MYO18A: variants seen among roughly 807,000 people sequenced by gnomAD.
MYO18A encodes myosin XVIIIA, also known as unconventional myosin-XVIIIa.
MYO18A carries 78 observed loss-of-function variants against 235.8 expected under a neutral mutation model. The observed-to-expected ratio is 0.33, with a 90% confidence interval of 0.28 to 0.40. MYO18A has a LOEUF of 0.40. Ranked by LOEUF, MYO18A falls within the 10% of genes least tolerant of loss-of-function variation. MYO18A has a pLI of 1.00. For missense variants in MYO18A, 2,215 were observed against 2,699.3 expected (o/e 0.82, Z 3.98); for synonymous variants, 977 against 1,077.8 (o/e 0.91, Z 1.83).
chr17:29,090,938 CAA>C lies in MYO18A; in HGVS notation c.5188-14_5188-13del, dbSNP rs778827547. The C allele has an allele frequency of 6.2e-6, 10 of 1,610,668 alleles. No homozygotes were observed. Among genetic ancestry groups the C allele is most frequent in the African/African-American group, 1.3e-5 (1 of 75,024 alleles). On this transcript the variant is annotated splice_polypyrimidine_tract_variant and intron_variant, in intron 34 of 41. Coordinates refer to ENST00000527372, the MANE Select transcript of MYO18A (RefSeq NM_078471.4). ...AGCTGCTCCTCCAGCTGGAGAGAGG[CAA>C]AGACAGATCAGAGGGCCTCAGGCCC...
In MYO18A at chr17:29,074,595, G is replaced by A. The variant is rs550373792; in HGVS notation, c.*175C>T. ...CTCCTCTTTCCCCCACCTCTTCCACGTGGAGACATCAGACACCCATAGCCT... is the reference window on the plus strand; with the variant it reads ...CTCCTCTTTCCCCCACCTCTTCCACATGGAGACATCAGACACCCATAGCCT... On this transcript the variant is annotated 3_prime_UTR_variant, in exon 42 of 42. Coordinates refer to ENST00000527372, the MANE Select transcript of MYO18A (RefSeq NM_078471.4). This position sits in a 1 kb window ranked among gnomAD's most constrained non-coding sequence, Gnocchi z 4.4. 6 of 665,606 alleles carry A rather than the reference G, an allele frequency of 9.0e-6. No individual in the cohort carries two copies. Among genetic ancestry groups the A allele is most frequent in the South Asian group, 2.1e-5 (1 of 48,632 alleles). The allele number at this position is 665,606 out of a possible 1,614,324, so 41.2% of individuals were successfully genotyped here. A position where few individuals can be genotyped will look rare whatever the true frequency, so the allele number is the denominator to read the frequency against.
chr17:29,143,433 G>A (rs1322273440), intron 2 of MYO18A, among the ~76,000 whole-genome samples: 9 of 147,540 alleles, frequency 6.1e-5, no homozygotes, highest in Non-Finnish European at 4.5e-5. Context: ...GCACAGATGG[G>A]GCTTCCCTAT....
Position 29,115,852 on chromosome 17 carries a change from A to T in MYO18A, c.2051-12T>A. On this transcript the variant is annotated splice_polypyrimidine_tract_variant and intron_variant, in intron 11 of 41. Coordinates refer to ENST00000527372, the MANE Select transcript of MYO18A (RefSeq NM_078471.4). ...CTGCTTGCGCCCAGCTGTGGAGTGG[A>T]AAAAGGGATCTGGCATCCTGGGTCT... The T allele has an allele frequency of 6.4e-7, 1 of 1,567,814 alleles. No homozygotes were observed.
At position 29,151,700 on chromosome 17, in the gene MYO18A, G is replaced by A. The variant is rs142270363; in HGVS notation, c.999+14242C>T. Reference sequence around the variant, plus strand: ...CTTGTTTCTGCATTCTCTGGGCCAAGCACGAGTAAGACATCTGGAATGCAG... The same window carrying A: ...CTTGTTTCTGCATTCTCTGGGCCAAACACGAGTAAGACATCTGGAATGCAG... On this transcript the variant is annotated intron_variant, in intron 2 of 41. Transcript: ENST00000527372. 1.0e-3 allele frequency among the ~76,000 whole-genome samples: 157 copies of A among 152,326 alleles called. 1 individual carries two copies. In the East Asian group the frequency reaches 0.024, roughly 23 times the overall value.
chr17:29,177,580 AT>A (rs1370295440), intron 1 of MYO18A, among the ~76,000 whole-genome samples: 4 of 152,090 alleles, frequency 2.6e-5, no homozygotes, highest in Non-Finnish European at 5.9e-5. Context: ...AGAAATGGTG[AT>A]GGGGTGGGGT....
At chr17:29,133,991 A>C (rs955567143) in intron 2 of MYO18A, 4 of 517,724 alleles carry the variant, frequency 7.7e-6, no homozygotes, top group African/African-American at 6.1e-5. Flanking sequence ...AAGGATTACA[A>C]AACTCAAGAG....
rs1207598089 is a variant in MYO18A at position 29,120,647 on chromosome 17, T to G, written c.1697A>C (p.Gln566Pro). The change falls in exon 7 of 42, where the codon CAA (glutamine) becomes CCA (proline). Residue 566 changes from glutamine (Q) to proline (P), a missense_variant. Transcript: ENST00000527372. This position sits in a 1 kb window ranked among gnomAD's most constrained non-coding sequence, Gnocchi z 4.2. ...FSQILSLDFDQAGQVASASIQ... is the reference protein window; with the variant it reads ...FSQILSLDFDPAGQVASASIQ... ...GGAGGCTGAGGCCACCTGGCCAGCTTGGTCAAAGTCCAGGGAGAGGATCTG... is the reference window on the plus strand; with the variant it reads ...GGAGGCTGAGGCCACCTGGCCAGCTGGGTCAAAGTCCAGGGAGAGGATCTG... The G allele has an allele frequency of 3.1e-6, 5 of 1,613,974 alleles. No homozygotes were observed. Among genetic ancestry groups the G allele is most frequent in the Non-Finnish European group, 4.2e-6 (5 of 1,179,864 alleles).
At position 29,111,915 on chromosome 17, in the gene MYO18A, G is replaced by A; in HGVS notation, c.2599-52C>T. The A allele has an allele frequency of 1.3e-6, 2 of 1,573,630 alleles. No individual in the cohort carries two copies. Among genetic ancestry groups the A allele is most frequent in the Non-Finnish European group, 1.7e-6 (2 of 1,160,000 alleles). ...TTGTCATATGGAGCTGTGGGAAAGGGGCCAGGGTGGTGCCGGGCCCAAACA... is the reference window on the plus strand; with the variant it reads ...TTGTCATATGGAGCTGTGGGAAAGGAGCCAGGGTGGTGCCGGGCCCAAACA... On this transcript the variant is annotated intron_variant, in intron 15 of 41. Coordinates refer to ENST00000527372, the MANE Select transcript of MYO18A (RefSeq NM_078471.4). This position sits in a 1 kb window ranked among gnomAD's most constrained non-coding sequence, Gnocchi z 5.1.
chr17:29,130,423 T>C (rs2067438193), intron 2 of MYO18A, among the ~76,000 whole-genome samples: 3 of 151,422 alleles, frequency 2.0e-5, no homozygotes, highest in Admixed American at 2.0e-4. Flanking sequence ...ACATGTAGTT[T>C]TTGCAAAAAA....
Position 29,140,903 on chromosome 17 carries a change from G to A in MYO18A, c.1000-18650C>T, listed in dbSNP as rs971243244. ...CCTACCCTAGCCATCTAATTACTGC[G>A]GCAGAGGCCAAGACAGCCACTAACG... is the stretch of plus-strand genomic sequence containing the variant. On this transcript the variant is annotated intron_variant, in intron 2 of 41. Transcript: ENST00000527372. This position sits in a 1 kb window ranked among gnomAD's most constrained non-coding sequence, Gnocchi z 4.2. Among the ~76,000 whole-genome samples the A allele has an allele frequency of 1.3e-5, 2 of 152,284 alleles. No individual in the cohort carries two copies. The highest frequency in any genetic ancestry group is 2.4e-5 in the African/African-American group (1 of 41,568).
chr17:29,121,041 G>C lies in MYO18A; in HGVS notation c.1542C>G (p.Tyr514Ter). 1 of 1,612,944 alleles carries C rather than the reference G, an allele frequency of 6.2e-7. No homozygotes were observed. The highest frequency in any genetic ancestry group is 8.5e-7 in the Non-Finnish European group (1 of 1,179,532). Residue 514 changes from tyrosine (Y) to a stop codon, truncating the protein, a stop_gained, in exon 6 of 42, where the codon TAC becomes TAG. Transcript: ENST00000527372. LOFTEE classifies it high-confidence loss of function. This position sits in a 1 kb window ranked among gnomAD's most constrained non-coding sequence, Gnocchi z 4.2. ...CGCTGATGCCCGCGATGGTGGCCAGGTACTGCACCAGATGCTGGCAGCTGG... is the reference window on the plus strand; with the variant it reads ...CGCTGATGCCCGCGATGGTGGCCAGCTACTGCACCAGATGCTGGCAGCTGG... ...KTTSCQHLVQ[Y>*]LATIAGISGN...
At chr17:29,115,917 G>T in intron 11 of MYO18A, 77 bp from the exon 12 acceptor site, 1 of 1,482,482 alleles carries the variant, frequency 6.7e-7, no homozygotes, top group Non-Finnish European at 9.1e-7. Context: ...ACCAGCTGAT[G>T]ACTATGCATC....
At chr17:29,135,101 T>C (rs2067565383) in intron 2 of MYO18A, among the ~76,000 whole-genome samples, 1 of 152,026 alleles carries the variant, frequency 6.6e-6, no homozygotes, top group Non-Finnish European at 1.5e-5. Flanking sequence ...TGGTTCTTTT[T>C]TTTTTTTTAA....
intron 2 of MYO18A, among the ~76,000 whole-genome samples, chr17:29,146,361 C>A (rs2067850013): frequency 1.3e-5 from 2 of 152,040 alleles, no homozygotes; most frequent in South Asian, 4.1e-4. Flanking sequence ...TATAGGAAAC[C>A]AAGGAGGGAG....
chr17:29,127,450 G>A (rs2067349427), intron 2 of MYO18A, among the ~76,000 whole-genome samples: 1 of 152,236 alleles, frequency 6.6e-6, no homozygotes, highest in Non-Finnish European at 1.5e-5. Flanking sequence ...TGAGGTCCCA[G>A]GGGATGAGTG....
At chr17:29,137,275 C>G (rs1360970112) in intron 2 of MYO18A, among the ~76,000 whole-genome samples, 1 of 152,232 alleles carries the variant, frequency 6.6e-6, no homozygotes, top group Non-Finnish European at 1.5e-5. Flanking sequence ...TAAATGTTAG[C>G]TGCACGAGAG....
chr17:29,079,972 C>A (rs898813623), intron 41 of MYO18A: 2 of 985,914 alleles, frequency 2.0e-6, no homozygotes, highest in Admixed American at 6.1e-5. Flanking sequence ...CTTGCTCTTC[C>A]GAGAGCGCCC....
At chr17:29,124,663 G>A in intron 2 of MYO18A, 1 of 1,285,138 alleles carries the variant, frequency 7.8e-7, no homozygotes. Context: ...CTGGCTGTGG[G>A]CATGAGAGGC....
At chr17:29,103,907 C>T (rs926461080) in intron 20 of MYO18A, among the ~76,000 whole-genome samples, 1 of 152,200 alleles carries the variant, frequency 6.6e-6, no homozygotes, top group Non-Finnish European at 1.5e-5. Flanking sequence ...CACAGGAGGT[C>T]GCACCTACGC....
Sources: allele counts gnomAD v4.1 joint callset (sites outside exome capture counted in the v4.1 genomes callset), GRCh38; gene constraint gnomAD v4.1.1; non-coding constraint Gnocchi (gnomAD v3.1); transcripts MANE v1.5; gene names NCBI Gene and HGNC (gene_info 2026-07-23, HGNC 2026-07-21).